Variants in SYNGR1 observed in about 807,000 individuals in gnomAD.
SYNGR1 encodes synaptogyrin 1.
Under a neutral mutation model 26.1 loss-of-function variants are expected in SYNGR1, and 14 were observed. That is an observed-to-expected ratio of 0.54 (90% CI 0.35 to 0.84). The LOEUF is 0.84. Among genes scored for constraint, SYNGR1 ranks in the 40% least tolerant of loss-of-function variants. The probability of loss-of-function intolerance (pLI) is 0.01; values close to 1 mark genes in which losing one functional copy is unlikely to be tolerated. For missense variants in SYNGR1, 319 were observed against 332.9 expected (o/e 0.96, Z 0.33); for synonymous variants, 141 against 150.1 (o/e 0.94, Z 0.44).
At chr22:39,357,655 C>CAATGA (rs1924217371) in intron 1 of SYNGR1, among the ~76,000 whole-genome samples, 3 of 9,452 alleles carry the variant, frequency 3.2e-4, no homozygotes, top group Admixed American at 1.9e-3. Context: ...CTGCTGGCCC[C>CAATGA]GGACCCGGGC....
At chr22:39,362,673 G>C (rs1419000029) in intron 1 of SYNGR1, among the ~76,000 whole-genome samples, 1 of 152,180 alleles carries the variant, frequency 6.6e-6, no homozygotes, top group Non-Finnish European at 1.5e-5. Flanking sequence ...ATGGATGCCT[G>C]CACCAGGACA....
At chr22:39,354,167 T>A (rs748639156) in intron 1 of SYNGR1, among the ~76,000 whole-genome samples, 3 of 152,248 alleles carry the variant, frequency 2.0e-5, no homozygotes, top group Non-Finnish European at 4.4e-5. Context: ...CAGTCAATGT[T>A]TCTTTAATTC....
At chr22:39,373,481 T>A (rs1164356015) in intron 1 of SYNGR1, among the ~76,000 whole-genome samples, 2 of 149,498 alleles carry the variant, frequency 1.3e-5, no homozygotes, top group Non-Finnish European at 3.0e-5. Context: ...GTTTTTTGTT[T>A]TGCTTTGTTT....
chr22:39,381,060 C>T (rs1925482211), intron 3 of SYNGR1, among the ~76,000 whole-genome samples: 1 of 152,200 alleles, frequency 6.6e-6, no homozygotes, highest in Non-Finnish European at 1.5e-5. Context: ...AGCAATCCTT[C>T]CACCTTGGCC....
intron 1 of SYNGR1, chr22:39,364,386 T>G: frequency 1.3e-6 from 2 of 1,598,546 alleles, no homozygotes; most frequent in South Asian, 2.2e-5. Flanking sequence ...AGTATAAGAC[T>G]GCTTTGTGGG....
At chr22:39,373,727 C>T (rs1225721062) in intron 1 of SYNGR1, among the ~76,000 whole-genome samples, 1 of 152,154 alleles carries the variant, frequency 6.6e-6, no homozygotes, top group African/African-American at 2.4e-5. Flanking sequence ...AAGTGATCCT[C>T]CTACCTTGGC....
chr22:39,379,263 T>C (rs9611166), intron 3 of SYNGR1, among the ~76,000 whole-genome samples: 106,022 of 152,140 alleles, frequency 0.7, 37,313 homozygotes, highest in East Asian at 1. Context: ...TTTCCCAAGG[T>C]GCTGGCACTT....
chr22:39,350,068 C>G lies in SYNGR1; in HGVS notation c.58C>G (p.Leu20Val), dbSNP rs758764056. 3 of 1,467,018 alleles carry G rather than the reference C, an allele frequency of 2.0e-6. No individual in the cohort carries two copies. The highest frequency in any genetic ancestry group is 6.1e-5 in the East Asian group (2 of 32,858). 90.9% of individuals were successfully genotyped at this position (1,467,018 alleles called of 1,614,324 possible). A position where few individuals can be genotyped will look rare whatever the true frequency, so the allele number is the denominator to read the frequency against. Reference sequence around the variant, plus strand: ...CGGGGGCGCCTTCGACCCCTACACCCTGGTCCGGCAGCCGCACACCATCCT... The same window carrying G: ...CGGGGGCGCCTTCGACCCCTACACCGTGGTCCGGCAGCCGCACACCATCCT... The part of the protein sequence containing the change: ...KAGGAFDPYT[L>V]VRQPHTILRV... Residue 20 changes from leucine (L) to valine (V), a missense_variant, in exon 1 of 4, where the codon CTG (leucine) becomes GTG (valine). Leu to Val is a conservative substitution (Grantham distance 32). Coordinates refer to ENST00000328933, the MANE Select transcript of SYNGR1 (RefSeq NM_004711.5). This position sits in a 1 kb window ranked among gnomAD's most constrained non-coding sequence, Gnocchi z 4.3.
rs868640502 is a variant in SYNGR1, at chr22:39,350,501, T to G, written c.99+392T>G. Reference sequence around the variant, plus strand: ...AGCCAGGGTTTAAGGTGGCCTTTTTTGGGGGGTGGATCAGGGCGTGGACCA... The same window carrying G: ...AGCCAGGGTTTAAGGTGGCCTTTTTGGGGGGGTGGATCAGGGCGTGGACCA... On this transcript the variant is annotated intron_variant, in intron 1 of 3. Coordinates refer to ENST00000328933, the MANE Select transcript of SYNGR1 (RefSeq NM_004711.5). This position sits in a 1 kb window ranked among gnomAD's most constrained non-coding sequence, Gnocchi z 4.3. Among the ~76,000 whole-genome samples, 2 of 149,838 alleles carry G rather than the reference T, an allele frequency of 1.3e-5. No homozygotes were observed. The highest frequency in any genetic ancestry group is 4.9e-5 in the African/African-American group (2 of 40,552).
rs140123358 is a variant in SYNGR1 at position 39,356,823 on chromosome 22, G to A, written c.99+6714G>A. ...GGAGCAAGAGGCCCATGCTCTCCTGGCCTTGGTTTCCCCATCTATCAAATG... is the reference window on the plus strand; with the variant it reads ...GGAGCAAGAGGCCCATGCTCTCCTGACCTTGGTTTCCCCATCTATCAAATG... On this transcript the variant is annotated intron_variant, in intron 1 of 3. Coordinates refer to ENST00000328933, the MANE Select transcript of SYNGR1 (RefSeq NM_004711.5). 7.9e-5 allele frequency among the ~76,000 whole-genome samples: 12 copies of A among 152,286 alleles called. No individual in the cohort carries two copies. The East Asian group carries it at 2.3e-3, about 29-fold the overall frequency.
intron 1 of SYNGR1, among the ~76,000 whole-genome samples, chr22:39,363,713 G>A (rs1031983256): frequency 1.3e-5 from 2 of 152,080 alleles, no homozygotes; most frequent in African/African-American, 4.8e-5. Flanking sequence ...GGACTGCCTG[G>A]AGGAGGCTGG....
At position 39,374,346 on chromosome 22, in the gene SYNGR1, G is replaced by T. The variant is rs368611959; in HGVS notation, c.130G>T (p.Val44Leu). 1.9e-6 allele frequency: 3 copies of T among 1,614,012 alleles called. No homozygotes were observed. Among genetic ancestry groups the T allele is most frequent in the South Asian group, 1.1e-5 (1 of 91,084 alleles). Residue 44 changes from valine to leucine, a missense_variant, in exon 2 of 4, where the codon GTG (valine) becomes TTG (leucine). Coordinates refer to ENST00000328933, the MANE Select transcript of SYNGR1 (RefSeq NM_004711.5). ...CTCCATAGTGGTGTTCGGCTCCATC[G>T]TGAACGAGGGCTACCTCAACAGCGC... Reference protein sequence around the residue: ...LFSIVVFGSIVNEGYLNSASE... With the variant: ...LFSIVVFGSILNEGYLNSASE...
intron 1 of SYNGR1, among the ~76,000 whole-genome samples, chr22:39,352,830 G>T (rs527767525): frequency 6.6e-6 from 1 of 152,234 alleles, no homozygotes; most frequent in East Asian, 1.9e-4. Flanking sequence ...CCCTGGAGGG[G>T]CCCTAACAGC....
At chr22:39,378,218 G>A (rs1925376905) in intron 3 of SYNGR1, 38 of 1,062,604 alleles carry the variant, frequency 3.6e-5, no homozygotes, top group Non-Finnish European at 4.2e-5. Flanking sequence ...CATGTGCTAT[G>A]TGACCCTGAC....
chr22:39,353,944 A>G (rs1411847953), intron 1 of SYNGR1, among the ~76,000 whole-genome samples: 2 of 152,026 alleles, frequency 1.3e-5, no homozygotes, highest in African/African-American at 2.4e-5. Context: ...GCTCACTGCA[A>G]CCTCTGCCTC....
At position 39,375,716 on chromosome 22, in the gene SYNGR1, G is replaced by A. The variant is rs563786670; in HGVS notation, c.338-336G>A. 147 of 592,802 alleles carry A rather than the reference G, an allele frequency of 2.5e-4. 1 individual carries two copies. The South Asian group carries it at 2.9e-3, about 12-fold the overall frequency. 36.7% of individuals were successfully genotyped at this position (592,802 alleles called of 1,614,324 possible). On this transcript the variant is annotated intron_variant, in intron 2 of 3. Transcript: ENST00000328933. ...TGGACATGGGGGTTTGGCAGAGGCTGCAGAAATGCGGCCTGAGTTGATTAC... is the reference window on the plus strand; with the variant it reads ...TGGACATGGGGGTTTGGCAGAGGCTACAGAAATGCGGCCTGAGTTGATTAC...
chr22:39,362,143 C>T (rs567187397), intron 1 of SYNGR1, among the ~76,000 whole-genome samples: 5 of 152,134 alleles, frequency 3.3e-5, no homozygotes, highest in East Asian at 3.9e-4. Context: ...CCACCGTGCC[C>T]GGCCAATTTC....
intron 1 of SYNGR1, among the ~76,000 whole-genome samples, chr22:39,355,967 C>T (rs971775755): frequency 1.3e-5 from 2 of 151,938 alleles, no homozygotes; most frequent in African/African-American, 2.4e-5. Flanking sequence ...TGCAGTGAGC[C>T]GAGATTGCGC....
In SYNGR1 at chr22:39,377,471, A is replaced by T. The variant is rs1925336347; in HGVS notation, c.483+1274A>T. Reference sequence around the variant, plus strand: ...GGCGGGGCTCACAGAGGAGTAGTGGATGATTTCTAGCCATGGGTCTGAAGT... The same window carrying T: ...GGCGGGGCTCACAGAGGAGTAGTGGTTGATTTCTAGCCATGGGTCTGAAGT... On this transcript the variant is annotated intron_variant, in intron 3 of 3. Transcript: ENST00000328933. 33 of 1,531,322 alleles carry T rather than the reference A, an allele frequency of 2.2e-5. 1 individual carries two copies. The highest frequency in any genetic ancestry group is 2.9e-5 in the Non-Finnish European group (33 of 1,142,504). The allele number at this position is 1,531,322 out of a possible 1,614,324, so 94.9% of individuals were successfully genotyped here.
Sources: gnomAD v4.1 joint callset for allele counts (sites outside exome capture counted in the v4.1 genomes callset) on GRCh38, gnomAD v4.1.1 for gene constraint, Gnocchi (gnomAD v3.1) non-coding constraint, MANE v1.5 for transcripts, NCBI Gene and HGNC (gene_info 2026-07-23, HGNC 2026-07-21) for gene names.